Variants in TBCK observed in about 807,000 individuals in gnomAD.
The protein encoded by TBCK is TBC domain-containing protein kinase-like protein.
Under a neutral mutation model 113.4 loss-of-function variants are expected in TBCK, and 99 were observed. That is an observed-to-expected ratio of 0.87 (90% CI 0.74 to 1.03). The LOEUF is 1.03. Ranked by LOEUF, TBCK falls within the 50% of genes least tolerant of loss-of-function variation. The probability of loss-of-function intolerance (pLI) is 0.00; values close to 1 mark genes in which losing one functional copy is unlikely to be tolerated. For missense variants in TBCK, 1,045 were observed against 1,061.3 expected (o/e 0.98, Z 0.21); for synonymous variants, 369 against 370.8 (o/e 1.00, Z 0.05).
chr4:106,150,198 A>T (rs947330065), intron 23 of TBCK, among the ~76,000 whole-genome samples: 8 of 152,182 alleles, frequency 5.3e-5, no homozygotes, highest in Non-Finnish European at 8.8e-5. Flanking sequence ...GTTCATGAAG[A>T]AAAAGTTAAC....
intron 23 of TBCK, among the ~76,000 whole-genome samples, chr4:106,152,938 C>T (rs1748675485): frequency 6.6e-6 from 1 of 151,926 alleles, no homozygotes; most frequent in African/African-American, 2.4e-5. Flanking sequence ...TTTTAAATCT[C>T]TGTTTATTTG....
rs557903099 is a variant in TBCK, at chr4:106,292,665, C to G, written c.266+2429G>C. ...GAGCATACACGTCTTCTCTTAAACA[C>G]AGAAGTAGGTGGCTTTCTAAAGGTG... On this transcript the variant is annotated intron_variant, in intron 3 of 25. Transcript: ENST00000394708. 2.6e-5 allele frequency among the ~76,000 whole-genome samples: 4 copies of G among 152,012 alleles called. No individual in the cohort carries two copies. In the South Asian group the frequency reaches 8.3e-4, roughly 32 times the overall value.
chr4:106,130,762 T>C (rs958311242), intron 23 of TBCK, among the ~76,000 whole-genome samples: 3 of 152,170 alleles, frequency 2.0e-5, no homozygotes, highest in Non-Finnish European at 4.4e-5. Context: ...CATAAAAATA[T>C]GCAACTTGTT....
At chr4:106,194,860 G>A in intron 20 of TBCK, 106 bp from the exon 21 acceptor site, 2 of 1,057,524 alleles carry the variant, frequency 1.9e-6, no homozygotes, top group South Asian at 3.1e-5. Context: ...CTATGTTTTG[G>A]TCTACTTTAT....
chr4:106,177,988 C>T (rs1396375667), intron 22 of TBCK, among the ~76,000 whole-genome samples: 14 of 151,314 alleles, frequency 9.3e-5, no homozygotes, highest in African/African-American at 3.4e-4. Context: ...TTTTTATTGC[C>T]CTCTATAATT....
chr4:106,211,746 C>T (rs1168801023), intron 20 of TBCK, among the ~76,000 whole-genome samples: 2 of 151,870 alleles, frequency 1.3e-5, no homozygotes, highest in Non-Finnish European at 2.9e-5. Flanking sequence ...CCCTCGGTAC[C>T]CATAACTCCT....
chr4:106,247,307 C>T lies in TBCK; in HGVS notation c.783-20G>A, dbSNP rs1257554221. ...GTTGGCCTTGAGAACATTTAAAATA[C>T]AGAGCATGAATGAAAGTCATAAAAA... On this transcript the variant is annotated intron_variant, in intron 9 of 25. Transcript: ENST00000394708. 1 of 1,607,894 alleles carries T rather than the reference C, an allele frequency of 6.2e-7. No homozygotes were observed. The highest frequency in any genetic ancestry group is 1.1e-5 in the South Asian group (1 of 90,356).
intron 3 of TBCK, among the ~76,000 whole-genome samples, chr4:106,279,052 A>G (rs970357245): frequency 6.6e-6 from 1 of 152,136 alleles, no homozygotes; most frequent in Non-Finnish European, 1.5e-5. Flanking sequence ...TCCCAACAGG[A>G]AATTAGACTA....
intron 25 of TBCK, among the ~76,000 whole-genome samples, chr4:106,088,039 A>G (rs979324036): frequency 1.3e-5 from 2 of 152,248 alleles, no homozygotes; most frequent in Non-Finnish European, 2.9e-5. Context: ...ACACATAGGC[A>G]TGGGCAAAGA....
chr4:106,065,868 T>A (rs762127471), intron 25 of TBCK, among the ~76,000 whole-genome samples: 12 of 152,036 alleles, frequency 7.9e-5, no homozygotes, highest in Non-Finnish European at 1.8e-4. Flanking sequence ...TAAACTAAGA[T>A]CTTTGCAGTC....
chr4:106,209,253 C>T (rs1321550120), intron 20 of TBCK, among the ~76,000 whole-genome samples: 3 of 151,982 alleles, frequency 2.0e-5, no homozygotes, highest in Admixed American at 1.3e-4. Context: ...TATTATGTCA[C>T]AATTATTTAG....
In TBCK at chr4:106,114,093, G is replaced by A. The variant is rs576868838; in HGVS notation, c.2411+2110C>T. Among the ~76,000 whole-genome samples, 5 of 152,310 alleles carry A rather than the reference G, an allele frequency of 3.3e-5. No individual in the cohort carries two copies. In the South Asian group the frequency reaches 1.0e-3, roughly 32 times the overall value. ...TAATTCTAGGATGCAAAGCCGGAAT[G>A]CGAGCAGTGCCCGCCACACCTGACA... On this transcript the variant is annotated intron_variant, in intron 24 of 25. Coordinates refer to ENST00000394708, the MANE Select transcript of TBCK (RefSeq NM_001163435.3).
Position 106,235,364 on chromosome 4 carries a change from A to G in TBCK, c.1354T>C (p.Tyr452His). ...CAGATTTGGTTTTTTTTATATGGAT[A>G]AGCCTATGATATCAAAAAAGAAATG... ...IILFDRLLKA[Y>H]PYKKNQIWKE... Residue 452 changes from tyrosine (Y) to histidine (H), a missense_variant, in exon 15 of 26, where the codon TAT becomes CAT. Coordinates refer to ENST00000394708, the MANE Select transcript of TBCK (RefSeq NM_001163435.3). 6.3e-7 allele frequency: 1 copy of G among 1,597,582 alleles called. No individual in the cohort carries two copies. The highest frequency in any genetic ancestry group is 8.5e-7 in the Non-Finnish European group (1 of 1,170,504).
intron 22 of TBCK, among the ~76,000 whole-genome samples, chr4:106,174,789 T>C (rs1751448125): frequency 6.6e-6 from 1 of 152,110 alleles, no homozygotes; most frequent in South Asian, 2.1e-4. Flanking sequence ...TTTTATCATC[T>C]TACATTTTCA....
At position 106,212,845 on chromosome 4, in the gene TBCK, C is replaced by T; in HGVS notation, c.1775-10G>A. Reference sequence around the variant, plus strand: ...AAGACAGTCAGATACTCTGAAATTACAAAGTTTGAGACAATCATCATTTTT... The same window carrying T: ...AAGACAGTCAGATACTCTGAAATTATAAAGTTTGAGACAATCATCATTTTT... On this transcript the variant is annotated splice_polypyrimidine_tract_variant and intron_variant, in intron 19 of 25. Coordinates refer to ENST00000394708, the MANE Select transcript of TBCK (RefSeq NM_001163435.3). 6.3e-7 allele frequency: 1 copy of T among 1,589,926 alleles called. No homozygotes were observed. Among genetic ancestry groups the T allele is most frequent in the Non-Finnish European group, 8.6e-7 (1 of 1,160,150 alleles).
At chr4:106,287,284 C>T (rs1765211749) in intron 3 of TBCK, among the ~76,000 whole-genome samples, 1 of 152,054 alleles carries the variant, frequency 6.6e-6, no homozygotes, top group African/African-American at 2.4e-5. Flanking sequence ...TTTTTCTACC[C>T]CAAATACTTT....
intron 24 of TBCK, among the ~76,000 whole-genome samples, chr4:106,111,533 C>G (rs1742858235): frequency 1.3e-5 from 2 of 152,200 alleles, no homozygotes; most frequent in Admixed American, 6.5e-5. Context: ...GAATGCTGAA[C>G]AGTCCTACCA....
rs146166328 is a variant in TBCK at position 106,280,132 on chromosome 4, G to C, written c.266+14962C>G. 9.9e-4 allele frequency among the ~76,000 whole-genome samples: 151 copies of C among 152,194 alleles called. 1 individual carries two copies. The East Asian group carries it at 0.021, about 21-fold the overall frequency. On this transcript the variant is annotated intron_variant, in intron 3 of 25. Coordinates refer to ENST00000394708, the MANE Select transcript of TBCK (RefSeq NM_001163435.3). ...CTTTTGGATTAAAGCCATTTTAACT[G>C]GAGTGAGATGATATCTTAGTGTAGT...
At chr4:106,217,169 C>G (rs12649730) in intron 19 of TBCK, among the ~76,000 whole-genome samples, 19,605 of 150,184 alleles carry the variant, frequency 0.13, 1,596 homozygotes, top group South Asian at 0.24. Flanking sequence ...ATTCAACAAC[C>G]CTTCATGCTA....
Sources: gnomAD v4.1 joint callset for allele counts (sites outside exome capture counted in the v4.1 genomes callset) on GRCh38, gnomAD v4.1.1 for gene constraint, MANE v1.5 for transcripts, NCBI Gene and HGNC (gene_info 2026-07-23, HGNC 2026-07-21) for gene names.